The following GIT2 variants were observed in gnomAD, a reference collection of about 807,000 sequenced individuals.
GIT2 encodes GIT ArfGAP 2, also known as ARF GTPase-activating protein GIT2.
Under a neutral mutation model 100.3 loss-of-function variants are expected in GIT2, and 32 were observed. The ratio of observed to expected loss-of-function variants is 0.32; its 90% CI spans 0.24 to 0.43. GIT2 has a LOEUF of 0.43. Among genes scored for constraint, GIT2 ranks in the 20% least tolerant of loss-of-function variants. The pLI is 1.00. For synonymous variants in GIT2, 353 were observed against 364.1 expected (o/e 0.97, Z 0.35); for missense variants, 737 against 975.1 (o/e 0.76, Z 3.25).
At chr12:109,999,886 C>T (rs1889860682), upstream of GIT2, 17 of 1,077,864 alleles carry the variant, frequency 1.6e-5, no homozygotes, top group Non-Finnish European at 2.0e-5. The surrounding 1 kb of genome is among the most constrained non-coding windows in gnomAD (Gnocchi z 4.3). Flanking sequence ...CCCCGGGATC[C>T]CCAGACCCCT....
rs140057900 is a variant in GIT2, at chr12:109,974,276, C to T, written c.718+6676G>A. On this transcript the variant is annotated intron_variant, in intron 7 of 19. Transcript: ENST00000355312. The stretch of plus-strand genomic sequence containing the variant: ...GCACGGTGGCTCACACCTGTAATCT[C>T]AGCACTGTGGGAGGCTAAGGTGGGT... 3.3e-5 allele frequency among the ~76,000 whole-genome samples: 5 copies of T among 152,194 alleles called. 1 individual carries two copies. The highest frequency in any genetic ancestry group is 7.4e-5 in the Non-Finnish European group (5 of 68,002).
Position 109,996,300 on chromosome 12 carries a change from C to A in GIT2, c.-76G>T. On this transcript the variant is annotated 5_prime_UTR_variant, in exon 1 of 20. Coordinates refer to ENST00000355312, the MANE Select transcript of GIT2 (RefSeq NM_057169.5). ...CGGCGGTGGCGGCGGCGCTTCCGCT[C>A]TAACGGGTCCCAGCTGCGGCGGCGC... 7 of 1,040,006 alleles carry A rather than the reference C, an allele frequency of 6.7e-6. No homozygotes were observed. The highest frequency in any genetic ancestry group is 9.9e-6 in the Non-Finnish European group (7 of 710,496). The allele number at this position is 1,040,006 out of a possible 1,614,324, so 64.4% of individuals were successfully genotyped here.
In GIT2 at chr12:109,965,544, A is replaced by G. The variant is rs1191844161; in HGVS notation, c.798T>C (p.Ala266=). 2 of 1,598,216 alleles carry G rather than the reference A, an allele frequency of 1.3e-6. No individual in the cohort carries two copies. The highest frequency in any genetic ancestry group is 2.2e-5 in the South Asian group (2 of 89,930). Residue 266 remains alanine (A), a synonymous_variant, in exon 9 of 20, where the codon GCT becomes GCC. Transcript: ENST00000355312. ...SLDLSELAKA[A]KKKLQSLSNH... ...TACTCACAGATTGAAGTTTCTTCTTAGCAGCTTTTGCCAATTCAGACAAAT... is the reference window on the plus strand; with the variant it reads ...TACTCACAGATTGAAGTTTCTTCTTGGCAGCTTTTGCCAATTCAGACAAAT...
At chr12:109,938,070 G>C (rs1489300927) in intron 18 of GIT2, among the ~76,000 whole-genome samples, 1 of 152,164 alleles carries the variant, frequency 6.6e-6, no homozygotes, top group African/African-American at 2.4e-5. Context: ...CCAGAAGCGA[G>C]GTGTAAGGTA....
chr12:109,959,709 A>G lies in GIT2; in HGVS notation c.1099+138T>C, dbSNP rs1174200847. The G allele has an allele frequency of 4.8e-6, 3 of 626,258 alleles. No individual in the cohort carries two copies. In the East Asian group the frequency reaches 8.2e-5, roughly 17 times the overall value. 38.8% of individuals were successfully genotyped at this position (626,258 alleles called of 1,614,324 possible). A position where few individuals can be genotyped will look rare whatever the true frequency, so the allele number is the denominator to read the frequency against. ...TTCTGCACAGGTATCCCGGAACTTA[A>G]AGTAAAAAAACAAACAAAAAACCAA... On this transcript the variant is annotated intron_variant, in intron 12 of 19. Coordinates refer to ENST00000355312, the MANE Select transcript of GIT2 (RefSeq NM_057169.5).
intron 8 of GIT2, chr12:109,967,182 GTAAA>G: frequency 3.1e-6 from 2 of 643,218 alleles, no homozygotes; most frequent in Non-Finnish European, 5.3e-6. Flanking sequence ...GAAGTATTCT[GTAAA>G]TAAATAAATA....
intron 12 of GIT2, among the ~76,000 whole-genome samples, chr12:109,955,630 C>A (rs1296440001): frequency 6.6e-6 from 1 of 152,196 alleles, no homozygotes; most frequent in Non-Finnish European, 1.5e-5. Flanking sequence ...GCTTATTTAA[C>A]ACACATTTCT....
chr12:109,989,727 T>C lies in GIT2; in HGVS notation c.262A>G (p.Ser88Gly), dbSNP rs1402036402. ...TGTGGATTAGCTTTACGTCTTCCAC[T>C]CATAATAGACGCAGGGTCCAGCAAA... Reference protein sequence around the residue: ...HSLLDPASIMSGRRKANPQDK... With the variant: ...HSLLDPASIMGGRRKANPQDK... Residue 88 changes from serine (S) to glycine (G), a missense_variant, in exon 3 of 20, where the codon AGT becomes GGT. By Grantham distance (56) the Ser-to-Gly change is moderately conservative. Transcript: ENST00000355312. 1.9e-6 allele frequency: 3 copies of C among 1,590,382 alleles called. No homozygotes were observed. The highest frequency in any genetic ancestry group is 2.6e-6 in the Non-Finnish European group (3 of 1,158,314).
intron 10 of GIT2, 38 bp downstream of exon 10, chr12:109,961,575 A>G: frequency 1.5e-6 from 2 of 1,365,588 alleles, no homozygotes; most frequent in East Asian, 2.3e-5. Context: ...CTGCCCACTG[A>G]TAACAGAAGC....
At chr12:109,959,338 T>A (rs1167124140) in intron 12 of GIT2, among the ~76,000 whole-genome samples, 1 of 151,950 alleles carries the variant, frequency 6.6e-6, no homozygotes, top group Non-Finnish European at 1.5e-5. Flanking sequence ...AAAGTGCTGG[T>A]ATTACAGGTG....
At chr12:109,994,954 C>T (rs1221858084) in intron 1 of GIT2, among the ~76,000 whole-genome samples, 1 of 152,186 alleles carries the variant, frequency 6.6e-6, no homozygotes, top group Non-Finnish European at 1.5e-5. Context: ...AACACCTGCA[C>T]TGTACGGGCC....
intron 16 of GIT2, 158 bp from the exon 17 acceptor site, chr12:109,939,405 A>G: frequency 1.8e-6 from 1 of 546,236 alleles, no homozygotes; most frequent in Non-Finnish European, 3.4e-6. Context: ...TAAAAGATGA[A>G]TATTGGATCC....
In GIT2 at chr12:109,944,662, G is replaced by A. The variant is rs560052584; in HGVS notation, c.1731+598C>T. ...TATTGAGACCATAAATTATACACCA[G>A]TAGGTGAGGTTTAACCAACCCGTAC... On this transcript the variant is annotated intron_variant, in intron 16 of 19. Transcript: ENST00000355312. Among the ~76,000 whole-genome samples the A allele has an allele frequency of 7.2e-5, 11 of 152,280 alleles. 1 individual carries two copies. The South Asian group carries it at 2.3e-3, about 32-fold the overall frequency.
At chr12:109,952,552 T>C (rs1204185986) in intron 13 of GIT2, 2 of 518,972 alleles carry the variant, frequency 3.9e-6, no homozygotes, top group Admixed American at 1.9e-5. Flanking sequence ...TTTTAGGCTG[T>C]CCCTATGCAT....
At chr12:109,978,076 GTTTTTTTTTTTTTT>G (rs111855474) in intron 7 of GIT2, among the ~76,000 whole-genome samples, 2 of 93,498 alleles carry the variant, frequency 2.1e-5, no homozygotes, top group Non-Finnish European at 4.1e-5. Flanking sequence ...AAATTTAGAG[GTTTTTTTTTTTTTT>G]TTTTTTTTTT....
At chr12:109,942,179 G>A (rs1467090181) in intron 16 of GIT2, among the ~76,000 whole-genome samples, 1 of 152,014 alleles carries the variant, frequency 6.6e-6, no homozygotes, top group East Asian at 1.9e-4. Context: ...ACACAGAGGT[G>A]TGTGTGTGTA....
At chr12:109,997,475 T>C (rs1235042876), upstream of GIT2, 1 of 152,254 alleles carries the variant, frequency 6.6e-6, no homozygotes, top group Non-Finnish European at 1.5e-5. Flanking sequence ...ATTAAGATAA[T>C]GCATTGTTTA....
At position 109,944,766 on chromosome 12, in the gene GIT2, G is replaced by A. The variant is rs560926745; in HGVS notation, c.1731+494C>T. On this transcript the variant is annotated intron_variant, in intron 16 of 19. Transcript: ENST00000355312. ...GTTACAATTCTGATTCAAGATGCAG[G>A]GACTTGTAAACCTTGGTTTGTCAGC... Among the ~76,000 whole-genome samples, 6 of 151,836 alleles carry A rather than the reference G, an allele frequency of 4.0e-5. No individual in the cohort carries two copies. In the East Asian group the frequency reaches 7.7e-4, roughly 20 times the overall value.
chr12:109,989,905 A>G, intron 2 of GIT2, 103 bp from the exon 3 acceptor site: 1 of 705,554 alleles, frequency 1.4e-6, no homozygotes, highest in Non-Finnish European at 2.5e-6. Context: ...ATAAACACTC[A>G]TTTGTTAGGA....
Sources: allele counts gnomAD v4.1 joint callset (sites outside exome capture counted in the v4.1 genomes callset), GRCh38; gene constraint gnomAD v4.1.1; non-coding constraint Gnocchi (gnomAD v3.1); transcripts MANE v1.5; gene names NCBI Gene and HGNC (gene_info 2026-07-23, HGNC 2026-07-21).